CTTNBP2: variants seen among roughly 807,000 people sequenced by gnomAD.
The protein encoded by CTTNBP2 is cortactin binding protein 2, also known as cortactin-binding protein 2.
In CTTNBP2, 108 loss-of-function variants were observed where a neutral mutation model predicts 156.9. That is an observed-to-expected ratio of 0.69 (90% CI 0.59 to 0.81). CTTNBP2 has a LOEUF of 0.81. Ranked by LOEUF, CTTNBP2 falls within the 30% of genes least tolerant of loss-of-function variation. CTTNBP2 has a pLI of 0.00. For synonymous variants in CTTNBP2, 767 were observed against 751.8 expected, an observed-to-expected ratio of 1.02 and a Z score of -0.33; for missense variants, 1,924 against 2,035.4, an observed-to-expected ratio of 0.95 and a Z score of 1.05.
intron 6 of CTTNBP2, among the ~76,000 whole-genome samples, chr7:117,782,634 G>A (rs556541732): frequency 2.1e-4 from 32 of 152,300 alleles, no homozygotes; most frequent in Admixed American, 8.5e-4. Context: ...TTCACGTTCA[G>A]TTGGGACACA....
intron 7 of CTTNBP2, among the ~76,000 whole-genome samples, chr7:117,778,989 T>C (rs1051097710): frequency 1.3e-5 from 2 of 152,166 alleles, no homozygotes; most frequent in African/African-American, 4.8e-5. Flanking sequence ...TTGGGCTAAG[T>C]CATCTGACCA....
intron 8 of CTTNBP2, among the ~76,000 whole-genome samples, chr7:117,769,111 A>G (rs1797675580): frequency 6.6e-6 from 1 of 152,240 alleles, no homozygotes; most frequent in Non-Finnish European, 1.5e-5. Flanking sequence ...CATACTTCAA[A>G]GAGCTTTCAA....
At chr7:117,802,925 A>G (rs1200401518) in intron 3 of CTTNBP2, among the ~76,000 whole-genome samples, 1 of 152,190 alleles carries the variant, frequency 6.6e-6, no homozygotes, top group African/African-American at 2.4e-5. Context: ...ACACTTATAC[A>G]CTGTCGGTAG....
At chr7:117,796,673 A>G (rs1799339399) in intron 3 of CTTNBP2, among the ~76,000 whole-genome samples, 1 of 152,248 alleles carries the variant, frequency 6.6e-6, no homozygotes, top group Non-Finnish European at 1.5e-5. Context: ...TTTTCAATTC[A>G]TAACACAACA....
chr7:117,845,353 G>A (rs1056210106), intron 2 of CTTNBP2, among the ~76,000 whole-genome samples: 1 of 152,190 alleles, frequency 6.6e-6, no homozygotes, highest in Non-Finnish European at 1.5e-5. Flanking sequence ...CAAGCAGGCT[G>A]CACACATTAC....
Position 117,760,692 on chromosome 7 carries a change from A to C in CTTNBP2, c.2915T>G (p.Leu972Ter). ...LENLNALKIPLRISVGEIEPS... is the reference protein window; with the variant it reads ...LENLNALKIP ...TTCAATCTCACCCACTGAAATCCTT[A>C]AGGGTATTTTAAGAGCATCTGTTAG... The change falls in exon 10 of 23, where the codon TTA becomes TGA. Residue 972 changes from leucine to a stop codon, truncating the protein, a stop_gained. Transcript: ENST00000160373. LOFTEE classifies it high-confidence loss of function. 6.2e-7 allele frequency: 1 copy of C among 1,610,810 alleles called. No individual in the cohort carries two copies. Among genetic ancestry groups the C allele is most frequent in the East Asian group, 2.2e-5 (1 of 44,818 alleles).
chr7:117,838,969 G>A (rs1021108487), intron 2 of CTTNBP2, among the ~76,000 whole-genome samples: 4 of 42,446 alleles, frequency 9.4e-5, no homozygotes, highest in African/African-American at 9.1e-5. Context: ...TGCGGGGGCG[G>A]GGGGGGGGCT....
chr7:117,755,102 T>C (rs1171780344), intron 12 of CTTNBP2, among the ~76,000 whole-genome samples: 1 of 152,166 alleles, frequency 6.6e-6, no homozygotes, highest in Non-Finnish European at 1.5e-5. Flanking sequence ...CAAGTAATGA[T>C]ATACATCTCC....
chr7:117,771,856 C>T (rs548258832), intron 8 of CTTNBP2, among the ~76,000 whole-genome samples: 1 of 152,160 alleles, frequency 6.6e-6, no homozygotes, highest in Non-Finnish European at 1.5e-5. Context: ...GAACACCTAA[C>T]TCCAAGAAGC....
chr7:117,740,420 G>A (rs181954554), intron 14 of CTTNBP2, among the ~76,000 whole-genome samples: 1 of 152,240 alleles, frequency 6.6e-6, no homozygotes, highest in African/African-American at 2.4e-5. Flanking sequence ...AATGTGTGCT[G>A]TGCTCAGTGG....
intron 2 of CTTNBP2, among the ~76,000 whole-genome samples, chr7:117,811,848 AAATTTTAAT>A (rs2116973891): frequency 1.9e-5 from 1 of 51,426 alleles, no homozygotes; most frequent in East Asian, 6.3e-4. Context: ...AATTAAATTA[AAATTTTAAT>A]GTAAAAATTT....
At chr7:117,755,813 C>A (rs1274400493) in intron 12 of CTTNBP2, among the ~76,000 whole-genome samples, 1 of 152,222 alleles carries the variant, frequency 6.6e-6, no homozygotes, top group Non-Finnish European at 1.5e-5. Flanking sequence ...CAAAAGGCTC[C>A]ACTTCCCAGC....
chr7:117,728,770 C>T (rs1296703221), intron 16 of CTTNBP2, among the ~76,000 whole-genome samples: 2 of 152,186 alleles, frequency 1.3e-5, no homozygotes, highest in African/African-American at 4.8e-5. Context: ...TGCAAGTATA[C>T]ATTAACTACA....
chr7:117,715,088 A>G (rs533800715), intron 22 of CTTNBP2, among the ~76,000 whole-genome samples: 3 of 152,206 alleles, frequency 2.0e-5, no homozygotes, highest in Non-Finnish European at 4.4e-5. Context: ...CACAGCATCT[A>G]CTAGAAGCTA....
Position 117,791,673 on chromosome 7 carries a change from G to T in CTTNBP2, c.1523C>A (p.Ser508Ter). 1 of 1,614,228 alleles carries T rather than the reference G, an allele frequency of 6.2e-7. No homozygotes were observed. Among genetic ancestry groups the T allele is most frequent in the Non-Finnish European group, 8.5e-7 (1 of 1,180,046 alleles). Residue 508 changes from serine to a stop codon, truncating the protein, a stop_gained, in exon 4 of 23, where the codon TCA (serine) becomes TAA (stop). Transcript: ENST00000160373. LOFTEE classifies it high-confidence loss of function. ...RFTSPQAGAPSRPGVPPTGDV... is the reference protein window; with the variant it reads ...RFTSPQAGAP The stretch of plus-strand genomic sequence containing the variant: ...CCCTGTTGGGGGCACTCCAGGCCTT[G>T]AGGGAGCACCTGCTTGAGGGCTTGT...
At position 117,791,161 on chromosome 7, in the gene CTTNBP2, C is replaced by G. The variant is rs774274304; in HGVS notation, c.2035G>C (p.Gly679Arg). Residue 679 changes from glycine to arginine, a missense_variant, in exon 4 of 23, where the codon GGT becomes CGT. Transcript: ENST00000160373. ...NPVSASSCRP[G>R]ASDSLLVTAS... ...GTTACCAGGAGGCTGTCTGAGGCAC[C>G]TGGTCTACAGGATGAGGCACTAACG... 1 of 1,614,076 alleles carries G rather than the reference C, an allele frequency of 6.2e-7. No individual in the cohort carries two copies. Among genetic ancestry groups the G allele is most frequent in the Non-Finnish European group, 8.5e-7 (1 of 1,179,978 alleles).
At chr7:117,862,003 C>T (rs558244677) in intron 1 of CTTNBP2, among the ~76,000 whole-genome samples, 1 of 152,148 alleles carries the variant, frequency 6.6e-6, no homozygotes, top group Non-Finnish European at 1.5e-5. Context: ...GAAGTAGCTG[C>T]CCCTTTAGAA....
intron 4 of CTTNBP2, among the ~76,000 whole-genome samples, chr7:117,785,017 A>G (rs1798635443): frequency 6.6e-6 from 1 of 152,212 alleles, no homozygotes. Flanking sequence ...TTATTTGGGA[A>G]TAGAAATAAT....
chr7:117,825,012 C>T (rs1421186470), intron 2 of CTTNBP2, among the ~76,000 whole-genome samples: 1 of 152,146 alleles, frequency 6.6e-6, no homozygotes, highest in Non-Finnish European at 1.5e-5. Flanking sequence ...GGTGTTTATC[C>T]ATAAGCAGGG....
Sources: gnomAD v4.1 joint callset for allele counts (sites outside exome capture counted in the v4.1 genomes callset) on GRCh38, gnomAD v4.1.1 for gene constraint, MANE v1.5 for transcripts, NCBI Gene and HGNC (gene_info 2026-07-23, HGNC 2026-07-21) for gene names.